Variants in PCA3 observed in about 807,000 individuals in gnomAD.
PCA3 encodes the protein prostate cancer associated 3, also known as Differential Display code 3.
intron 2 of PCA3, among the ~76,000 whole-genome samples, chr9:76,765,475 A>G (rs1010097082): frequency 1.3e-5 from 2 of 152,238 alleles, no homozygotes; most frequent in African/African-American, 4.8e-5. Flanking sequence ...TGAGGTAAGG[A>G]AGGCATACAG....
intron 2 of PCA3, among the ~76,000 whole-genome samples, chr9:76,774,456 T>TATTTATTTATTTA (rs770848796): frequency 7.5e-6 from 1 of 133,814 alleles, no homozygotes; most frequent in African/African-American, 2.7e-5. Context: ...AACCCTTTTT[T>TATTTATTTATTTA]TTTTTTTTTT....
At chr9:76,773,392 T>C (rs1289137937) in intron 2 of PCA3, among the ~76,000 whole-genome samples, 1 of 151,764 alleles carries the variant, frequency 6.6e-6, no homozygotes, top group South Asian at 2.1e-4. Flanking sequence ...TCTGGCTTCC[T>C]GTAATACATT....
intron 2 of PCA3, among the ~76,000 whole-genome samples, chr9:76,774,450 C>CTTTTTTTATTTATTTATTTATTTA (rs1564272256): frequency 1.2e-4 from 5 of 41,394 alleles, no homozygotes; most frequent in African/African-American, 1.9e-4. Flanking sequence ...CAGTTCAACC[C>CTTTTTTTATTTATTTATTTATTTA]TTTTTTTTTT....
intron 2 of PCA3, among the ~76,000 whole-genome samples, chr9:76,774,626 T>C (rs2053543528): frequency 6.6e-6 from 1 of 151,864 alleles, no homozygotes; most frequent in Non-Finnish European, 1.5e-5. Context: ...GCCCAGCTAA[T>C]TTTTGTGCTT....
chr9:76,764,807 C>T (rs2052156146), intron 2 of PCA3, among the ~76,000 whole-genome samples: 1 of 152,116 alleles, frequency 6.6e-6, no homozygotes, highest in South Asian at 2.1e-4. Flanking sequence ...ATTTGCTTGG[C>T]TTCCATGATC....
intron 2 of PCA3, among the ~76,000 whole-genome samples, chr9:76,774,452 T>TTATTTATTTATTTATTTATTTA (rs1564272412): frequency 9.3e-6 from 1 of 107,250 alleles, no homozygotes; most frequent in Non-Finnish European, 1.9e-5. Context: ...GTTCAACCCT[T>TTATTTATTTATTTATTTATTTA]TTTTTTTTTT....
intron 2 of PCA3, among the ~76,000 whole-genome samples, chr9:76,773,844 C>T (rs943837459): frequency 6.6e-6 from 1 of 152,060 alleles, no homozygotes; most frequent in Non-Finnish European, 1.5e-5. Context: ...ACTTAGGAGA[C>T]CCCATGTGTT....
intron 2 of PCA3, chr9:76,786,298 A>G (rs2054972350): frequency 6.6e-6 from 1 of 152,200 alleles, no homozygotes; most frequent in Non-Finnish European, 1.5e-5. Flanking sequence ...AAGAACTCTG[A>G]GTGATATCAA....
At chr9:76,775,463 AT>A (rs574665074) in intron 2 of PCA3, among the ~76,000 whole-genome samples, 53 of 138,250 alleles carry the variant, frequency 3.8e-4, no homozygotes, top group African/African-American at 1.4e-3. Context: ...TGCCCAGCTA[AT>A]TTTTGTGGTT....
At chr9:76,765,117 G>A (rs766386579) in intron 2 of PCA3, among the ~76,000 whole-genome samples, 4 of 152,148 alleles carry the variant, frequency 2.6e-5, no homozygotes, top group Non-Finnish European at 4.4e-5. Flanking sequence ...TGTTGGGGGC[G>A]TGACATTAAC....
At chr9:76,786,829 T>C (rs11998737) in intron 2 of PCA3, 5,700 of 152,336 alleles carry the variant, frequency 0.037, 219 homozygotes, top group East Asian at 0.14. Flanking sequence ...CCTCTCCCTA[T>C]ATTACTGATT....
At chr9:76,784,246 G>A (rs2054741556) in intron 2 of PCA3, 1 of 152,192 alleles carries the variant, frequency 6.6e-6, no homozygotes, top group Non-Finnish European at 1.5e-5. Context: ...CAGGAAAACA[G>A]ATCCTGTTGT....
chr9:76,774,312 T>G (rs918407744), intron 2 of PCA3, among the ~76,000 whole-genome samples: 6 of 151,636 alleles, frequency 4.0e-5, no homozygotes, highest in African/African-American at 1.2e-4. Context: ...ATTTTTTGTA[T>G]TTTTTTGTAA....
intron 2 of PCA3, chr9:76,779,782 T>C (rs1475276545): frequency 2.0e-5 from 3 of 152,248 alleles, no homozygotes; most frequent in Admixed American, 2.0e-4. Context: ...CATCGCTAAT[T>C]GCCAAGCCAT....
chr9:76,766,463 AAC>A (rs2052403006), intron 2 of PCA3, among the ~76,000 whole-genome samples: 1 of 152,168 alleles, frequency 6.6e-6, no homozygotes, highest in Admixed American at 6.5e-5. Context: ...TTTAAAATAA[AAC>A]ACATATTAGA....
intron 2 of PCA3, among the ~76,000 whole-genome samples, chr9:76,783,066 T>C (rs940389878): frequency 6.6e-6 from 1 of 152,204 alleles, no homozygotes; most frequent in African/African-American, 2.4e-5. Context: ...ATTGTGGTGA[T>C]TAAACAGAAA....
intron 2 of PCA3, among the ~76,000 whole-genome samples, chr9:76,780,528 A>C (rs1053843900): frequency 6.6e-6 from 1 of 152,036 alleles, no homozygotes; most frequent in African/African-American, 2.4e-5. Flanking sequence ...TCTAATAAAA[A>C]AAAATACAAA....
At chr9:76,786,948 C>T (rs1229041653) in intron 2 of PCA3, 1 of 152,146 alleles carries the variant, frequency 6.6e-6, no homozygotes, top group African/African-American at 2.4e-5. Context: ...CTGATTACGC[C>T]TCATGGGTGG....
intron 2 of PCA3, among the ~76,000 whole-genome samples, chr9:76,773,885 A>T (rs1017925823): frequency 1.3e-5 from 2 of 152,196 alleles, no homozygotes; most frequent in African/African-American, 4.8e-5. Flanking sequence ...CACAGAAAAA[A>T]GGTGGAAAGT....
Sources: gnomAD v4.1 joint callset for allele counts (sites outside exome capture counted in the v4.1 genomes callset) on GRCh38, gnomAD v4.1.1 for gene constraint, MANE v1.5 for transcripts, NCBI Gene and HGNC (gene_info 2026-07-23, HGNC 2026-07-21) for gene names.